SENP7: variants seen among roughly 807,000 people sequenced by gnomAD.
SENP7 encodes the protein sentrin-specific protease 7.
SENP7 carries 64 observed loss-of-function variants against 141.2 expected under a neutral mutation model. The observed-to-expected ratio is 0.45, with a 90% CI of 0.37 to 0.56. SENP7 has a LOEUF of 0.56. SENP7 is among the 20% of genes least tolerant of loss of function. SENP7 has a pLI of 0.00. For missense variants in SENP7, 1,025 were observed against 1,212.2 expected, an observed-to-expected ratio of 0.85 and a Z score of 2.29; for synonymous variants, 382 against 426.4, an observed-to-expected ratio of 0.90 and a Z score of 1.28.
At chr3:101,417,925 G>GA (rs940238587) in intron 4 of SENP7, 135 bp from the exon 5 acceptor site, 1 of 635,086 alleles carries the variant, frequency 1.6e-6, no homozygotes, top group African/African-American at 1.8e-5. Flanking sequence ...TAAGAAAAAA[G>GA]AAAAAATGCC....
chr3:101,491,177 T>G (rs1015897964), intron 3 of SENP7, among the ~76,000 whole-genome samples: 1 of 151,374 alleles, frequency 6.6e-6, no homozygotes, highest in Non-Finnish European at 1.5e-5. Flanking sequence ...GGCTGGAGTA[T>G]AGTGGCACAA....
chr3:101,345,331 C>A (rs1329371387), intron 13 of SENP7, among the ~76,000 whole-genome samples: 2 of 152,110 alleles, frequency 1.3e-5, no homozygotes. Context: ...ATTGATTCTA[C>A]CCATCCATGA....
chr3:101,451,784 TC>T (rs1443280512), intron 4 of SENP7, among the ~76,000 whole-genome samples: 7 of 152,184 alleles, frequency 4.6e-5, no homozygotes, highest in African/African-American at 1.4e-4. Context: ...CTGGAAGCAT[TC>T]CCTTTGAAAA....
intron 16 of SENP7, among the ~76,000 whole-genome samples, chr3:101,339,364 T>A (rs900446830): frequency 3.3e-5 from 5 of 152,176 alleles, no homozygotes; most frequent in Non-Finnish European, 7.3e-5. Context: ...TAGAAGCAAA[T>A]TTCCTTTGCA....
intron 3 of SENP7, among the ~76,000 whole-genome samples, chr3:101,491,110 T>G (rs888683449): frequency 8.0e-5 from 12 of 149,712 alleles, no homozygotes; most frequent in African/African-American, 2.9e-4. Flanking sequence ...CGAGATTTTA[T>G]TTGCTTCATT....
chr3:101,390,322 A>T (rs9857723), intron 6 of SENP7, among the ~76,000 whole-genome samples: 57,798 of 147,244 alleles, frequency 0.39, 11,999 homozygotes, highest in Admixed American at 0.53. Context: ...TCACGTCACC[A>T]ATAAAGACAT....
chr3:101,431,174 G>A (rs1036179849), intron 4 of SENP7, among the ~76,000 whole-genome samples: 1 of 152,184 alleles, frequency 6.6e-6, no homozygotes, highest in Non-Finnish European at 1.5e-5. Context: ...GGGGTGAAGA[G>A]TTCTTTAGAT....
At chr3:101,339,113 T>C (rs975173686) in intron 16 of SENP7, among the ~76,000 whole-genome samples, 2 of 152,032 alleles carry the variant, frequency 1.3e-5, no homozygotes, top group African/African-American at 2.4e-5. Flanking sequence ...AAAAGAAACA[T>C]GGAAGATATA....
chr3:101,353,037 C>G (rs1262363014), intron 11 of SENP7, among the ~76,000 whole-genome samples: 2 of 151,894 alleles, frequency 1.3e-5, no homozygotes, highest in African/African-American at 4.8e-5. Context: ...CTTTTTCCAG[C>G]TTTAGTAAGA....
chr3:101,402,613 T>G (rs2061180097), intron 5 of SENP7, among the ~76,000 whole-genome samples: 1 of 17,674 alleles, frequency 5.7e-5, no homozygotes, highest in African/African-American at 2.0e-4. Flanking sequence ...CAAGACTCCG[T>G]CTCAAAAAAA....
intron 11 of SENP7, among the ~76,000 whole-genome samples, chr3:101,361,064 G>C (rs1255146434): frequency 6.6e-6 from 1 of 152,012 alleles, no homozygotes; most frequent in Non-Finnish European, 1.5e-5. Context: ...AATTAGCCAG[G>C]TGTGGTGCCA....
chr3:101,420,439 A>AG (rs1399963171), intron 4 of SENP7, among the ~76,000 whole-genome samples: 1 of 152,210 alleles, frequency 6.6e-6, no homozygotes, highest in Non-Finnish European at 1.5e-5. Flanking sequence ...CCTTGTAGAG[A>AG]GGGGGAACAC....
At chr3:101,468,305 C>T (rs2063839412) in intron 3 of SENP7, among the ~76,000 whole-genome samples, 1 of 152,162 alleles carries the variant, frequency 6.6e-6, no homozygotes. Context: ...TCCAGGAGAA[C>T]TTCCCCAACT....
chr3:101,486,301 C>A (rs1034377578), intron 3 of SENP7, among the ~76,000 whole-genome samples: 1 of 152,080 alleles, frequency 6.6e-6, no homozygotes, highest in East Asian at 1.9e-4. Flanking sequence ...CCTAGGCACA[C>A]GGCAATCAGG....
intron 20 of SENP7, 60 bp from the exon 21 acceptor site, chr3:101,328,749 AGTTACTCCTTT>A: frequency 7.8e-7 from 1 of 1,282,146 alleles, no homozygotes; most frequent in Non-Finnish European, 1.1e-6. Context: ...TTTACTATTC[AGTTACTCCTTT>A]AAAGTGTTTC....
chr3:101,327,482 C>T (rs1393718801), intron 23 of SENP7, among the ~76,000 whole-genome samples, 184 bp downstream of exon 23: 3 of 152,024 alleles, frequency 2.0e-5, no homozygotes, highest in Admixed American at 6.6e-5. Context: ...CCACCATGAT[C>T]GTAAGTTTCC....
chr3:101,361,990 T>TCA, intron 10 of SENP7, 129 bp from the exon 11 acceptor site: 1 of 1,006,958 alleles, frequency 9.9e-7, no homozygotes. Flanking sequence ...ATACTGTTCT[T>TCA]ACTGTGAAGA....
At chr3:101,341,191 T>C (rs1167288336) in intron 15 of SENP7, among the ~76,000 whole-genome samples, 1 of 152,208 alleles carries the variant, frequency 6.6e-6, no homozygotes, top group African/African-American at 2.4e-5. Context: ...ACAGACTCCA[T>C]ATTCTTCCTT....
intron 20 of SENP7, 38 bp from the exon 21 acceptor site, chr3:101,328,727 TA>T: frequency 6.7e-7 from 1 of 1,489,768 alleles, no homozygotes; most frequent in Non-Finnish European, 9.3e-7. Context: ...CAATTAAAGC[TA>T]TTTTGAATAA....
Sources: allele counts gnomAD v4.1 joint callset (sites outside exome capture counted in the v4.1 genomes callset), GRCh38; gene constraint gnomAD v4.1.1; transcripts MANE v1.5; gene names NCBI Gene and HGNC (gene_info 2026-07-23, HGNC 2026-07-21).